REV3L: variants seen among roughly 807,000 people sequenced by gnomAD.
REV3L encodes REV3 like, DNA directed polymerase zeta catalytic subunit.
REV3L carries 69 observed loss-of-function variants against 299.4 expected under a neutral mutation model. That is an observed-to-expected ratio of 0.23 (90% CI 0.19 to 0.28). REV3L has a LOEUF of 0.28. Ranked by LOEUF, REV3L falls within the 10% of genes least tolerant of loss-of-function variation. The probability of loss-of-function intolerance (pLI) is 1.00; values close to 1 mark genes in which losing one functional copy is unlikely to be tolerated. For missense variants in REV3L, 3,128 were observed against 3,693.8 expected (o/e 0.85, Z 3.97); for synonymous variants, 1,238 against 1,271.4 (o/e 0.97, Z 0.56).
chr6:111,455,184 G>A (rs1790026997), intron 1 of REV3L, among the ~76,000 whole-genome samples: 1 of 152,152 alleles, frequency 6.6e-6, no homozygotes, highest in Non-Finnish European at 1.5e-5. Flanking sequence ...AGTTGGGAGA[G>A]GCTTCACAGT....
At chr6:111,407,148 C>A (rs1215872974) in intron 3 of REV3L, among the ~76,000 whole-genome samples, 1 of 152,086 alleles carries the variant, frequency 6.6e-6, no homozygotes, top group African/African-American at 2.4e-5. Flanking sequence ...ATCAAAATTT[C>A]TCTGCCTTGT....
chr6:111,475,767 ATTT>A (rs1248306809), intron 1 of REV3L, among the ~76,000 whole-genome samples: 1 of 152,148 alleles, frequency 6.6e-6, no homozygotes, highest in African/African-American at 2.4e-5. Flanking sequence ...CCTGTACAGA[ATTT>A]TATTTTTATG....
chr6:111,302,494 A>G (rs1363028589), intron 31 of REV3L, among the ~76,000 whole-genome samples: 1 of 152,212 alleles, frequency 6.6e-6, no homozygotes, highest in African/African-American at 2.4e-5. Context: ...TTACATTTAA[A>G]ACTTTAGTGC....
chr6:111,360,944 A>G (rs1778591804), intron 16 of REV3L, among the ~76,000 whole-genome samples: 1 of 152,116 alleles, frequency 6.6e-6, no homozygotes, highest in African/African-American at 2.4e-5. Flanking sequence ...GAGCTAAGGG[A>G]AAAAACTTTT....
At chr6:111,434,758 A>G (rs1364507123) in intron 1 of REV3L, among the ~76,000 whole-genome samples, 2 of 152,196 alleles carry the variant, frequency 1.3e-5, no homozygotes, top group Non-Finnish European at 2.9e-5. Context: ...TACAATAACT[A>G]CAAAGAATAG....
intron 4 of REV3L, among the ~76,000 whole-genome samples, chr6:111,393,454 T>C (rs1782150001): frequency 6.6e-6 from 1 of 152,300 alleles, no homozygotes; most frequent in South Asian, 2.1e-4. Flanking sequence ...AAAATCAAGG[T>C]ACTTAGGATG....
In REV3L at chr6:111,309,962, A is replaced by C; in HGVS notation, c.8933T>G (p.Leu2978Arg). The C allele has an allele frequency of 6.2e-7, 1 of 1,614,130 alleles. No homozygotes were observed. Among genetic ancestry groups the C allele is most frequent in the Non-Finnish European group, 8.5e-7 (1 of 1,179,992 alleles). The change falls in exon 30 of 32, where the codon CTG becomes CGG. Residue 2978 changes from leucine (L) to arginine (R), a missense_variant. By Grantham distance (102) the Leu-to-Arg change is moderately radical (BLOSUM62 -2). This residue lies in a region of REV3L where 294 missense variants were observed against 377.0 expected (regional missense o/e 0.78). Coordinates refer to ENST00000368802, the MANE Select transcript of REV3L (RefSeq NM_001372078.1). ...AATATAGTAAGTAGCATTCAGTCTCAGAGTTGGGTCCTGCAGGACTTCCAC... is the reference window on the plus strand; with the variant it reads ...AATATAGTAAGTAGCATTCAGTCTCCGAGTTGGGTCCTGCAGGACTTCCAC... ...RPVEVLQDPT[L>R]RLNATYYITK...
Position 111,324,297 on chromosome 6 carries a change from C to T in REV3L, c.8242-1619G>A, listed in dbSNP as rs1337148739. Among the ~76,000 whole-genome samples, 5 of 152,134 alleles carry T rather than the reference C, an allele frequency of 3.3e-5. No individual in the cohort carries two copies. The East Asian group carries it at 9.6e-4, about 29-fold the overall frequency. On this transcript the variant is annotated intron_variant, in intron 25 of 31. Transcript: ENST00000368802. ...ACAGGTGTAAGCCACCATGCCTGGC[C>T]TTAGGTTTTAAATTAAGATTATGAA...
intron 4 of REV3L, among the ~76,000 whole-genome samples, chr6:111,394,399 A>G (rs1187612676): frequency 1.3e-5 from 2 of 152,208 alleles, no homozygotes; most frequent in Non-Finnish European, 2.9e-5. Flanking sequence ...GATGTTGAAC[A>G]TTTAAAAAAT....
intron 9 of REV3L, among the ~76,000 whole-genome samples, chr6:111,385,187 T>C (rs1429494104): frequency 6.6e-6 from 1 of 152,050 alleles, no homozygotes; most frequent in Non-Finnish European, 1.5e-5. Flanking sequence ...TAGTATTTGA[T>C]AGCACAACAC....
intron 25 of REV3L, among the ~76,000 whole-genome samples, chr6:111,323,419 T>C (rs931072160): frequency 6.6e-6 from 1 of 152,222 alleles, no homozygotes; most frequent in Non-Finnish European, 1.5e-5. Flanking sequence ...TTCAATATCA[T>C]TAAAGTTAAT....
intron 1 of REV3L, among the ~76,000 whole-genome samples, chr6:111,427,392 G>C (rs1476804175): frequency 6.6e-6 from 1 of 152,140 alleles, no homozygotes; most frequent in African/African-American, 2.4e-5. Context: ...ATAATAAAAA[G>C]ACAATAAAAT....
In REV3L at chr6:111,307,441, G is replaced by T. The variant is rs1253609391; in HGVS notation, c.9172C>A (p.Arg3058=). Residue 3058 remains arginine, a synonymous_variant, in exon 31 of 32, where the codon CGG becomes AGG. Transcript: ENST00000368802. ...ACTGCAACATGCTGAGGTTGGCTCCGACATTTACTACAGATGCCATGCTGA... is the reference window on the plus strand; with the variant it reads ...ACTGCAACATGCTGAGGTTGGCTCCTACATTTACTACAGATGCCATGCTGA... ...LTQHGICSKC[R]SQPQHVAVIL... is the part of the protein sequence containing the mutation. 1.2e-6 allele frequency: 2 copies of T among 1,614,154 alleles called. No individual in the cohort carries two copies. The highest frequency in any genetic ancestry group is 2.7e-5 in the African/African-American group (2 of 75,028).
In REV3L at chr6:111,343,978, G is replaced by C; in HGVS notation, c.7485C>G (p.Leu2495=). The change falls in exon 21 of 32, where the codon CTC becomes CTG. Residue 2495 remains leucine (L), a synonymous_variant. Transcript: ENST00000368802. ...SFHVLHQRFP[L]FTFRVLSDWF... is the part of the protein sequence containing the mutation. ...AGTCTGACAAGACTCGAAAGGTAAA[G>C]AGGGGAAAACGCTGATGAAGAACAT... 6.2e-7 allele frequency: 1 copy of C among 1,613,564 alleles called. No individual in the cohort carries two copies. The highest frequency in any genetic ancestry group is 8.5e-7 in the Non-Finnish European group (1 of 1,179,776).
At position 111,328,381 on chromosome 6, in the gene REV3L, T is replaced by C. The variant is rs1775053330; in HGVS notation, c.8241+1151A>G. The stretch of plus-strand genomic sequence containing the variant: ...CAGCCTCCTGAGTTGGGATCACAAG[T>C]GTGAGACACCACACCTGGCTAATTG... On this transcript the variant is annotated intron_variant, in intron 25 of 31. Coordinates refer to ENST00000368802, the MANE Select transcript of REV3L (RefSeq NM_001372078.1). Among the ~76,000 whole-genome samples, 6 of 152,138 alleles carry C rather than the reference T, an allele frequency of 3.9e-5. 1 individual carries two copies. The South Asian group carries it at 1.0e-3, about 26-fold the overall frequency.
intron 26 of REV3L, among the ~76,000 whole-genome samples, chr6:111,317,951 T>C (rs1773710276): frequency 6.6e-6 from 1 of 152,246 alleles, no homozygotes; most frequent in African/African-American, 2.4e-5. Context: ...TTCCACTGTA[T>C]GGATATACCA....
rs981206459 is a variant in REV3L, at chr6:111,314,035, T to C, written c.8467-546A>G. 2.0e-5 allele frequency among the ~76,000 whole-genome samples: 3 copies of C among 152,214 alleles called. No individual in the cohort carries two copies. In the South Asian group the frequency reaches 6.2e-4, roughly 31 times the overall value. On this transcript the variant is annotated intron_variant, in intron 27 of 31. Coordinates refer to ENST00000368802, the MANE Select transcript of REV3L (RefSeq NM_001372078.1). ...GGGCTATTCTCATCTTGCTTTCCGT[T>C]ATGTTTACAACAAGAGACTGCTTAT...
chr6:111,449,523 A>G (rs937705203), intron 1 of REV3L, among the ~76,000 whole-genome samples: 1 of 152,236 alleles, frequency 6.6e-6, no homozygotes, highest in Non-Finnish European at 1.5e-5. Context: ...GGCAGAGGGA[A>G]CAATCCCAAG....
At chr6:111,364,506 T>C (rs887537448) in intron 15 of REV3L, among the ~76,000 whole-genome samples, 2 of 152,054 alleles carry the variant, frequency 1.3e-5, no homozygotes, top group African/African-American at 2.4e-5. Flanking sequence ...TCTAAATCTA[T>C]TAACTGTTTT....
Sources: gnomAD v4.1 joint callset for allele counts (sites outside exome capture counted in the v4.1 genomes callset) on GRCh38, gnomAD v4.1.1 for gene constraint, gnomAD v4.1.1 regional missense constraint, MANE v1.5 for transcripts, NCBI Gene and HGNC (gene_info 2026-07-23, HGNC 2026-07-21) for gene names.